ARFGEF1: variants seen among roughly 807,000 people sequenced by gnomAD.
The protein encoded by ARFGEF1 is brefeldin A-inhibited guanine nucleotide-exchange protein 1.
Under a neutral mutation model 231.0 loss-of-function variants are expected in ARFGEF1, and 42 were observed. The observed-to-expected ratio is 0.18, with a 90% CI of 0.14 to 0.24. The LOEUF is 0.24. ARFGEF1 is among the 10% of genes least tolerant of loss of function. ARFGEF1 has a pLI of 1.00. For synonymous variants in ARFGEF1, 710 were observed against 732.3 expected (o/e 0.97, Z 0.49); for missense variants, 1,345 against 2,192.0 (o/e 0.61, Z 7.72).
intron 17 of ARFGEF1, among the ~76,000 whole-genome samples, chr8:67,257,273 G>T (rs764957337): frequency 2.4e-4 from 36 of 151,992 alleles, no homozygotes; most frequent in African/African-American, 3.6e-4. Flanking sequence ...TAGAGACAGG[G>T]TTTCATCATG....
chr8:67,271,763 G>A lies in ARFGEF1; in HGVS notation c.1511C>T (p.Ser504Phe). 1 of 1,613,742 alleles carries A rather than the reference G, an allele frequency of 6.2e-7. No individual in the cohort carries two copies. The highest frequency in any genetic ancestry group is 8.5e-7 in the Non-Finnish European group (1 of 1,179,840). ...CAACAAAGTAAGAAATATAGAAAGA[G>A]AAAGCTCAAAAACCTCTGGAACAGA... ...VSSVPEVFEL[S>F]LSIFLTLLSN... Residue 504 changes from serine (S) to phenylalanine (F), a missense_variant, in exon 10 of 39, where the codon TCT (serine) becomes TTT (phenylalanine). Ser to Phe is a radical substitution (Grantham distance 155). Around this residue, in one of 14 missense-constraint regions of ARFGEF1, gnomAD observed 141 missense variants for 259.9 expected, o/e 0.54. Coordinates refer to ENST00000262215, the MANE Select transcript of ARFGEF1 (RefSeq NM_006421.5).
chr8:67,249,541 G>A (rs553258590), intron 19 of ARFGEF1, among the ~76,000 whole-genome samples: 1 of 150,736 alleles, frequency 6.6e-6, no homozygotes, highest in South Asian at 2.1e-4. Context: ...TGAAGGAAAG[G>A]CATAGAATAT....
chr8:67,218,810 CAA>C (rs1252181834), intron 30 of ARFGEF1, among the ~76,000 whole-genome samples: 1 of 151,228 alleles, frequency 6.6e-6, no homozygotes, highest in Admixed American at 6.6e-5. Flanking sequence ...ATTCTTTACT[CAA>C]TATAAAAAAG....
chr8:67,332,420 T>C (rs1808141234), intron 1 of ARFGEF1, among the ~76,000 whole-genome samples: 2 of 152,158 alleles, frequency 1.3e-5, no homozygotes, highest in Admixed American at 6.5e-5. Flanking sequence ...ACAGGGCACA[T>C]TAAATTTCCA....
At chr8:67,341,151 GGCTCTCCATTAAAATAT>G (rs749405050) in intron 1 of ARFGEF1, among the ~76,000 whole-genome samples, 2 of 152,096 alleles carry the variant, frequency 1.3e-5, no homozygotes, top group Non-Finnish European at 2.9e-5. Context: ...CATTCCAGTA[GGCTCTCCATTAAAATAT>G]GCTTACTTAT....
chr8:67,324,604 A>C (rs1033426572), intron 1 of ARFGEF1, among the ~76,000 whole-genome samples: 1 of 152,170 alleles, frequency 6.6e-6, no homozygotes, highest in Non-Finnish European at 1.5e-5. Context: ...GGTTTCCATC[A>C]ATTTCATATA....
chr8:67,198,916 A>C lies in ARFGEF1; in HGVS notation c.*18T>G. 6.2e-7 allele frequency: 1 copy of C among 1,610,132 alleles called. No individual in the cohort carries two copies. On this transcript the variant is annotated 3_prime_UTR_variant, in exon 39 of 39. Transcript: ENST00000262215. ...AGAGCAGAGGGATGTAAATGCCAACAAAAATATTAAGTTCCCATCATTGCT... is the reference window on the plus strand; with the variant it reads ...AGAGCAGAGGGATGTAAATGCCAACCAAAATATTAAGTTCCCATCATTGCT...
intron 9 of ARFGEF1, 141 bp downstream of exon 9, chr8:67,275,835 C>A: frequency 2.1e-6 from 2 of 950,906 alleles, no homozygotes; most frequent in South Asian, 1.7e-5. Flanking sequence ...TTTTCTTAAA[C>A]GTAAAATACC....
At chr8:67,263,725 C>T (rs1021831243) in intron 14 of ARFGEF1, among the ~76,000 whole-genome samples, 6 of 152,128 alleles carry the variant, frequency 3.9e-5, no homozygotes, top group Non-Finnish European at 7.4e-5. Flanking sequence ...TAAACATAAT[C>T]CCCCTACCCC....
At chr8:67,235,086 G>A (rs200256988) in intron 22 of ARFGEF1, among the ~76,000 whole-genome samples, 17 of 140,512 alleles carry the variant, frequency 1.2e-4, no homozygotes, top group South Asian at 2.2e-4. Context: ...ATATATATAT[G>A]TGTGTGTGTG....
chr8:67,329,569 TAAATAAAA>T (rs1301863188), intron 1 of ARFGEF1, among the ~76,000 whole-genome samples: 6 of 148,396 alleles, frequency 4.0e-5, no homozygotes, highest in Admixed American at 3.3e-4. Flanking sequence ...AATAAATAAA[TAAATAAAA>T]AGAATTTTTT....
Position 67,211,562 on chromosome 8 carries a change from A to G in ARFGEF1, c.4740T>C (p.Ser1580=). The stretch of plus-strand genomic sequence containing the variant: ...GTGGTGCTTGTGGTCTGTTATCCAC[A>G]GACCTTGGTTGAATAGAATCATGAA... ...VDIHDSIQPR[S]VDNRPQAPLV... Residue 1580 remains serine, a synonymous_variant, in exon 34 of 39, where the codon TCT becomes TCC. Coordinates refer to ENST00000262215, the MANE Select transcript of ARFGEF1 (RefSeq NM_006421.5). 1 of 1,578,074 alleles carries G rather than the reference A, an allele frequency of 6.3e-7. No individual in the cohort carries two copies. The highest frequency in any genetic ancestry group is 8.6e-7 in the Non-Finnish European group (1 of 1,161,434).
At chr8:67,234,828 C>G (rs191578107) in intron 22 of ARFGEF1, among the ~76,000 whole-genome samples, 1 of 152,084 alleles carries the variant, frequency 6.6e-6, no homozygotes, top group East Asian at 1.9e-4. Flanking sequence ...TAAAAGTCTA[C>G]TGCTATAATA....
intron 19 of ARFGEF1, among the ~76,000 whole-genome samples, chr8:67,245,358 A>G (rs1352311857): frequency 6.6e-6 from 1 of 150,586 alleles, no homozygotes; most frequent in Non-Finnish European, 1.5e-5. Flanking sequence ...CATGTAAAAT[A>G]CTCTTAAGTA....
chr8:67,236,132 T>C (rs1364315106), intron 22 of ARFGEF1, among the ~76,000 whole-genome samples: 1 of 149,380 alleles, frequency 6.7e-6, no homozygotes, highest in Non-Finnish European at 1.5e-5. Flanking sequence ...CTGTCTCTAC[T>C]AAAACAAACA....
chr8:67,314,919 AG>A (rs1209531472), intron 1 of ARFGEF1, among the ~76,000 whole-genome samples: 29 of 152,166 alleles, frequency 1.9e-4, no homozygotes, highest in African/African-American at 6.5e-4. Flanking sequence ...ATGTGCCTGT[AG>A]TGTCAGCTAC....
intron 26 of ARFGEF1, 33 bp from the exon 27 acceptor site, chr8:67,227,342 A>G (rs1839408066): frequency 6.3e-7 from 1 of 1,599,626 alleles, no homozygotes; most frequent in African/African-American, 1.3e-5. Context: ...TTGGATATGC[A>G]AACCGATAAA....
In ARFGEF1 at chr8:67,259,798, G is replaced by C; in HGVS notation, c.2235+17C>G. Reference sequence around the variant, plus strand: ...AGAATTTTACAGAAAAGGTTAGAATGAAAATGGTATTCTTACAGAGTCTAA... The same window carrying C: ...AGAATTTTACAGAAAAGGTTAGAATCAAAATGGTATTCTTACAGAGTCTAA... On this transcript the variant is annotated intron_variant, in intron 15 of 38. Transcript: ENST00000262215. 6.6e-7 allele frequency: 1 copy of C among 1,510,296 alleles called. No individual in the cohort carries two copies. Among genetic ancestry groups the C allele is most frequent in the Non-Finnish European group, 9.0e-7 (1 of 1,105,446 alleles). The allele number at this position is 1,510,296 out of a possible 1,614,324, so 93.6% of individuals were successfully genotyped here.
At chr8:67,196,080 GCTA>G (rs201713886), downstream of ARFGEF1, 65 of 154,430 alleles carry the variant, frequency 4.2e-4, no homozygotes, top group East Asian at 8.6e-3. Context: ...GTCATTTGTA[GCTA>G]CTGATACAGC....
Sources: allele counts gnomAD v4.1 joint callset (sites outside exome capture counted in the v4.1 genomes callset), GRCh38; gene constraint gnomAD v4.1.1; regional missense constraint gnomAD v4.1.1; transcripts MANE v1.5; gene names NCBI Gene and HGNC (gene_info 2026-07-23, HGNC 2026-07-21).